The following POPDC1 variants were observed in gnomAD, a reference collection of about 807,000 sequenced individuals.
POPDC1 encodes popeye domain-containing protein 1.
the POPDC1 span, chr6:105,101,326 T>G: frequency 8.7e-7 from 1 of 1,147,596 alleles, no homozygotes; most frequent in South Asian, 2.1e-5. Context: ...AATCTATCAC[T>G]AGCAGCACCA....
the POPDC1 span, chr6:105,129,284 A>T: frequency 9.0e-7 from 1 of 1,107,550 alleles, no homozygotes; most frequent in Non-Finnish European, 1.2e-6. Flanking sequence ...TAAAGTGACT[A>T]AATATGCTAG....
chr6:105,101,167 T>C, the POPDC1 span: 2 of 1,613,608 alleles, frequency 1.2e-6, no homozygotes, highest in Non-Finnish European at 8.5e-7. Context: ...CTCCTTCTTC[T>C]ATCGGTTTCA....
the POPDC1 span, chr6:105,115,740 T>G: frequency 6.2e-7 from 1 of 1,614,196 alleles, no homozygotes; most frequent in South Asian, 1.1e-5. Flanking sequence ...CCGTCGTCAC[T>G]GTCACTGGAG....
chr6:105,125,235 T>C, the POPDC1 span, among the ~76,000 whole-genome samples: 1 of 152,220 alleles, frequency 6.6e-6, no homozygotes, highest in Non-Finnish European at 1.5e-5. Flanking sequence ...TCTATAGCAT[T>C]GTAAAGTATA....
the POPDC1 span, chr6:105,129,304 C>T: frequency 7.5e-7 from 1 of 1,335,938 alleles, no homozygotes; most frequent in Non-Finnish European, 1.0e-6. Flanking sequence ...GATACTTACT[C>T]TTAACTCTGA....
At chr6:105,104,138 G>A in the POPDC1 span, among the ~76,000 whole-genome samples, 2 of 151,704 alleles carry the variant, frequency 1.3e-5, no homozygotes, top group African/African-American at 2.4e-5. Flanking sequence ...TTTTCCTCTT[G>A]CCTTTTTTCC....
the POPDC1 span, among the ~76,000 whole-genome samples, chr6:105,130,013 C>A: frequency 2.6e-5 from 4 of 151,820 alleles, no homozygotes; most frequent in East Asian, 1.9e-4. Flanking sequence ...ACCAAAAAAA[C>A]CCCAAATATA....
the POPDC1 span, chr6:105,129,289 T>C: frequency 8.8e-7 from 1 of 1,141,246 alleles, no homozygotes; most frequent in Admixed American, 2.9e-5. Flanking sequence ...TGACTAAATA[T>C]GCTAGATACT....
the POPDC1 span, among the ~76,000 whole-genome samples, chr6:105,112,263 C>T: frequency 6.6e-6 from 1 of 152,060 alleles, no homozygotes; most frequent in Non-Finnish European, 1.5e-5. Context: ...GACAGAGAGA[C>T]AGAGAGAGAT....
the POPDC1 span, among the ~76,000 whole-genome samples, chr6:105,102,512 C>T: frequency 6.6e-6 from 1 of 152,202 alleles, no homozygotes; most frequent in East Asian, 1.9e-4. Flanking sequence ...CCTGGTATGG[C>T]ACAGGGGGAG....
chr6:105,117,358 G>A, the POPDC1 span, among the ~76,000 whole-genome samples: 1 of 152,096 alleles, frequency 6.6e-6, no homozygotes, highest in African/African-American at 2.4e-5. Flanking sequence ...AGGGCCCTCG[G>A]CTGTTGCTGA....
the POPDC1 span, chr6:105,115,961 C>T: frequency 1.5e-6 from 1 of 688,414 alleles, no homozygotes; most frequent in South Asian, 3.7e-5. Context: ...ATTAGGTGGC[C>T]AATAAACATA....
At chr6:105,127,010 CA>C in the POPDC1 span, among the ~76,000 whole-genome samples, 1 of 152,160 alleles carries the variant, frequency 6.6e-6, no homozygotes, top group South Asian at 2.1e-4. Flanking sequence ...GGTCATGCCC[CA>C]TCTTTGGGCC....
At chr6:105,106,478 G>A in the POPDC1 span, among the ~76,000 whole-genome samples, 5 of 152,218 alleles carry the variant, frequency 3.3e-5, no homozygotes, top group South Asian at 1.0e-3. Flanking sequence ...GGACAGCAGC[G>A]AGAGTCCTGA....
chr6:105,103,447 T>C, the POPDC1 span, among the ~76,000 whole-genome samples: 19 of 152,210 alleles, frequency 1.2e-4, no homozygotes, highest in South Asian at 2.1e-4. Flanking sequence ...CTTAGCTCTC[T>C]TGAGTGTGGC....
chr6:105,125,705 T>C, the POPDC1 span: 1 of 868,898 alleles, frequency 1.2e-6, no homozygotes, highest in South Asian at 1.7e-5. Context: ...CTTCTGTATT[T>C]AGGCCAATAG....
At chr6:105,132,472 G>A in the POPDC1 span, among the ~76,000 whole-genome samples, 1 of 152,106 alleles carries the variant, frequency 6.6e-6, no homozygotes, top group Non-Finnish European at 1.5e-5. Flanking sequence ...GTGTCCCCCT[G>A]GATAATGGGT....
the POPDC1 span, among the ~76,000 whole-genome samples, chr6:105,108,565 A>G: frequency 6.6e-6 from 1 of 152,212 alleles, no homozygotes; most frequent in African/African-American, 2.4e-5. Flanking sequence ...TATGGTGAAT[A>G]AGATGTGTCC....
the POPDC1 span, among the ~76,000 whole-genome samples, chr6:105,111,694 T>C: frequency 6.6e-6 from 1 of 152,200 alleles, no homozygotes; most frequent in Admixed American, 6.5e-5. Flanking sequence ...ATACAGAATC[T>C]ATGTGGAAAG....
Sources: gnomAD v4.1 joint callset for allele counts (sites outside exome capture counted in the v4.1 genomes callset) on GRCh38, gnomAD v4.1.1 for gene constraint, MANE v1.5 for transcripts, NCBI Gene and HGNC (gene_info 2026-07-23, HGNC 2026-07-21) for gene names.